The following GPAT3 variants were observed in gnomAD, a reference collection of about 807,000 sequenced individuals.
GPAT3 encodes the protein 1-AGP acyltransferase 9.
In GPAT3, 53 loss-of-function variants were observed where a neutral mutation model predicts 58.8. The ratio of observed to expected loss-of-function variants is 0.90; its 90% CI spans 0.72 to 1.13. The LOEUF (loss-of-function observed/expected upper bound fraction) is 1.13. GPAT3 is among the 50% of genes most tolerant of loss of function. The pLI, the probability that GPAT3 is intolerant of heterozygous loss-of-function variation, is 0.00. For synonymous variants in GPAT3, 197 were observed against 187.4 expected (o/e 1.05, Z -0.42); for missense variants, 511 against 527.6 (o/e 0.97, Z 0.31).
At chr4:83,547,494 T>G (rs376254992) in intron 2 of GPAT3, among the ~76,000 whole-genome samples, 1 of 151,376 alleles carries the variant, frequency 6.6e-6, no homozygotes, top group African/African-American at 2.4e-5. Context: ...CCTTGTGATC[T>G]GCCCACCTCG....
rs1379230188 is a variant in GPAT3 at position 83,581,682 on chromosome 4, A to G, written c.329A>G (p.Asp110Gly). Residue 110 changes from aspartate to glycine, a missense_variant, in exon 3 of 12, where the codon GAT becomes GGT. Transcript: ENST00000264409. ...SKKGLEAIVE[D>G]EVTQRFSSEE... ...AAGGGATTGGAAGCCATTGTAGAAG[A>G]TGAAGTGACCCAGAGGTTTTCCTCA... The G allele has an allele frequency of 1.2e-6, 2 of 1,614,182 alleles. No individual in the cohort carries two copies. The highest frequency in any genetic ancestry group is 1.7e-6 in the Non-Finnish European group (2 of 1,180,028).
chr4:83,536,821 G>A (rs1724113433), intron 1 of GPAT3, 58 bp downstream of exon 1: 6 of 1,520,926 alleles, frequency 3.9e-6, no homozygotes, highest in Non-Finnish European at 5.4e-6. Context: ...GAACCCGGGG[G>A]TCCAGTTCTC....
intron 1 of GPAT3, among the ~76,000 whole-genome samples, chr4:83,539,634 T>C (rs936481827): frequency 6.6e-6 from 1 of 152,220 alleles, no homozygotes; most frequent in Non-Finnish European, 1.5e-5. Flanking sequence ...TTATCATTTA[T>C]TGAGCACCTA....
At chr4:83,541,416 A>G (rs1387139344) in intron 1 of GPAT3, among the ~76,000 whole-genome samples, 1 of 47,234 alleles carries the variant, frequency 2.1e-5, no homozygotes, top group Non-Finnish European at 4.7e-5. Context: ...TTTTTTTTGT[A>G]GAGACAAGGT....
At position 83,581,025 on chromosome 4, in the gene GPAT3, G is replaced by A. The variant is rs544298471; in HGVS notation, c.209-537G>A. Among the ~76,000 whole-genome samples, 109 of 150,486 alleles carry A rather than the reference G, an allele frequency of 7.2e-4. 1 individual carries two copies. In the South Asian group the frequency reaches 9.4e-3, roughly 13 times the overall value. The stretch of plus-strand genomic sequence containing the variant: ...GCAGGAGATTGGCATGAACCCGGGA[G>A]GCGGAGCTTGCAGTAAGCTGAGATC... On this transcript the variant is annotated intron_variant, in intron 2 of 11. Transcript: ENST00000264409.
At chr4:83,579,603 A>G (rs1726031351) in intron 2 of GPAT3, among the ~76,000 whole-genome samples, 1 of 152,064 alleles carries the variant, frequency 6.6e-6, no homozygotes, top group South Asian at 2.1e-4. Flanking sequence ...CTATTGCTTT[A>G]ATTCTTAAGG....
upstream of GPAT3, chr4:83,535,711 T>C: frequency 1.0e-6 from 1 of 985,172 alleles, no homozygotes; most frequent in Non-Finnish European, 1.2e-6. Flanking sequence ...ATAAGCAAGA[T>C]TGAGCCCCAC....
chr4:83,553,648 C>A (rs1346997243), intron 2 of GPAT3, among the ~76,000 whole-genome samples: 2 of 152,082 alleles, frequency 1.3e-5, no homozygotes, highest in Admixed American at 1.3e-4. Context: ...CCTGTAATCC[C>A]AGCACTTTGG....
intron 1 of GPAT3, among the ~76,000 whole-genome samples, chr4:83,544,171 C>T (rs752168555): frequency 1.9e-4 from 29 of 152,106 alleles, no homozygotes; most frequent in African/African-American, 5.1e-4. Context: ...AATGAGGAAA[C>T]GGAGGCCTAT....
intron 10 of GPAT3, 60 bp from the exon 11 acceptor site, chr4:83,598,584 G>C (rs980187408): frequency 6.3e-6 from 8 of 1,276,586 alleles, no homozygotes; most frequent in Non-Finnish European, 7.9e-6. Flanking sequence ...ATGATTATGA[G>C]ATGGTATTAA....
At position 83,590,210 on chromosome 4, in the gene GPAT3, C is replaced by G. The variant is rs757521601; in HGVS notation, c.656C>G (p.Pro219Arg). 2 of 1,613,656 alleles carry G rather than the reference C, an allele frequency of 1.2e-6. No homozygotes were observed. The highest frequency in any genetic ancestry group is 1.7e-6 in the Non-Finnish European group (2 of 1,179,788). ...GTTTGTAATTGCAGGCAGTACAGAC[C>G]CCAGAAGGGAGGCATTTGTGTTGCC... ...TIHYHNKQYRPQKGGICVANH... is the reference protein window; with the variant it reads ...TIHYHNKQYRRQKGGICVANH... Residue 219 changes from proline (P) to arginine (R), a missense_variant, in exon 6 of 12, where the codon CCC (proline) becomes CGC (arginine). Pro to Arg is a moderately radical substitution (Grantham distance 103, BLOSUM62 -2). Coordinates refer to ENST00000264409, the MANE Select transcript of GPAT3 (RefSeq NM_032717.5).
rs143076395 is a variant in GPAT3, at chr4:83,585,294, T to C, written c.480-1961T>C. 5.3e-3 allele frequency among the ~76,000 whole-genome samples: 804 copies of C among 150,380 alleles called. 7 individuals are homozygous for C. Among genetic ancestry groups the C allele is most frequent in the African/African-American group, 0.018 (734 of 41,250 alleles). ...TAATAGTATTAATTATATTTATTAGTTATAGTAATATATCATGTTATTAAG... is the reference window on the plus strand; with the variant it reads ...TAATAGTATTAATTATATTTATTAGCTATAGTAATATATCATGTTATTAAG... On this transcript the variant is annotated intron_variant, in intron 3 of 11. Transcript: ENST00000264409.
chr4:83,595,009 C>T, intron 7 of GPAT3, 49 bp downstream of exon 7: 2 of 1,522,148 alleles, frequency 1.3e-6, no homozygotes. Context: ...TAAAAGCTGA[C>T]CAATCTTGGC....
Position 83,571,680 on chromosome 4 carries a change from A to G in GPAT3, c.209-9882A>G, listed in dbSNP as rs568995645. On this transcript the variant is annotated intron_variant, in intron 2 of 11. Transcript: ENST00000264409. ...ATAGTTTTCCCCCACTCATATATATATGTGTATATATATATATACACACAC... is the reference window on the plus strand; with the variant it reads ...ATAGTTTTCCCCCACTCATATATATGTGTGTATATATATATATACACACAC... Among the ~76,000 whole-genome samples, 479 of 150,344 alleles carry G rather than the reference A, an allele frequency of 3.2e-3. 1 individual carries two copies. The highest frequency in any genetic ancestry group is 0.011 in the African/African-American group (463 of 40,778).
chr4:83,590,626 T>C (rs967806193), intron 6 of GPAT3, among the ~76,000 whole-genome samples: 3 of 152,222 alleles, frequency 2.0e-5, no homozygotes, highest in African/African-American at 7.2e-5. Flanking sequence ...TCTTTCTTTT[T>C]ACAGTTGCAC....
intron 2 of GPAT3, among the ~76,000 whole-genome samples, chr4:83,566,695 G>A (rs1367431744): frequency 6.6e-6 from 1 of 151,308 alleles, no homozygotes; most frequent in Non-Finnish European, 1.5e-5. Context: ...TATTGAGGAA[G>A]GTTTGACATT....
At chr4:83,592,067 C>T (rs1467053028) in intron 6 of GPAT3, among the ~76,000 whole-genome samples, 1 of 152,090 alleles carries the variant, frequency 6.6e-6, no homozygotes. Flanking sequence ...CGTTATGCCC[C>T]ACCTCCCAAA....
chr4:83,588,143 A>G, intron 4 of GPAT3, 67 bp from the exon 5 acceptor site: 1 of 1,414,550 alleles, frequency 7.1e-7, no homozygotes, highest in Non-Finnish European at 9.9e-7. Context: ...AGCACATTAA[A>G]ACCTTTATTA....
At chr4:83,538,252 T>C (rs1218137087) in intron 1 of GPAT3, among the ~76,000 whole-genome samples, 2 of 152,260 alleles carry the variant, frequency 1.3e-5, no homozygotes, top group Non-Finnish European at 2.9e-5. Context: ...TGTTTGTGGC[T>C]ATTTCTTTGC....
Sources: gnomAD v4.1 joint callset for allele counts (sites outside exome capture counted in the v4.1 genomes callset) on GRCh38, gnomAD v4.1.1 for gene constraint, MANE v1.5 for transcripts, NCBI Gene and HGNC (gene_info 2026-07-23, HGNC 2026-07-21) for gene names.